COG5: variants seen among roughly 807,000 people sequenced by gnomAD.
COG5 encodes conserved oligomeric Golgi complex subunit 5.
A neutral mutation model predicts 110.4 loss-of-function variants in COG5; 86 were observed. That is an observed-to-expected ratio of 0.78 (90% CI 0.65 to 0.93). COG5 has a LOEUF of 0.93. Among genes scored for constraint, COG5 ranks in the 40% least tolerant of loss-of-function variants. COG5 has a pLI of 0.00. For synonymous variants in COG5, 360 were observed against 334.6 expected, an observed-to-expected ratio of 1.08 and a Z score of -0.83; for missense variants, 1,077 against 987.0, an observed-to-expected ratio of 1.09 and a Z score of -1.22.
At chr7:107,494,921 G>A (rs898615794) in intron 6 of COG5, among the ~76,000 whole-genome samples, 4 of 152,068 alleles carry the variant, frequency 2.6e-5, no homozygotes, top group Non-Finnish European at 4.4e-5. Context: ...AGCTGGGGAC[G>A]AGGGGTCAGT....
chr7:107,204,101 A>T (rs1411981582), intron 21 of COG5, among the ~76,000 whole-genome samples: 1 of 152,212 alleles, frequency 6.6e-6, no homozygotes, highest in Non-Finnish European at 1.5e-5. Context: ...TTATTTGATG[A>T]ACTATGAACA....
chr7:107,345,072 AAC>A (rs1372411313), intron 10 of COG5, among the ~76,000 whole-genome samples: 3 of 152,140 alleles, frequency 2.0e-5, no homozygotes, highest in Non-Finnish European at 4.4e-5. Flanking sequence ...TAATTGGCCT[AAC>A]TTCAATATTG....
At chr7:107,281,488 A>C in intron 13 of COG5, 89 bp from the exon 14 acceptor site, 1 of 927,296 alleles carries the variant, frequency 1.1e-6, no homozygotes, top group South Asian at 1.3e-5. Flanking sequence ...CCCAATAAGC[A>C]ATGTGGTTAT....
At position 107,555,201 on chromosome 7, in the gene COG5, G is replaced by A. The variant is rs970006576; in HGVS notation, c.235-859C>T. 3.9e-5 allele frequency among the ~76,000 whole-genome samples: 6 copies of A among 152,116 alleles called. No homozygotes were observed. The East Asian group carries it at 1.2e-3, about 29-fold the overall frequency. ...ATGTTTGATACTTTTATGAAAATTA[G>A]GGCACTGCAGATGGCCAGAACAAAA... On this transcript the variant is annotated intron_variant, in intron 2 of 21. Transcript: ENST00000297135.
intron 10 of COG5, among the ~76,000 whole-genome samples, chr7:107,347,788 T>C (rs986846349): frequency 5.3e-5 from 8 of 152,164 alleles, no homozygotes; most frequent in Non-Finnish European, 1.0e-4. Flanking sequence ...TCTTTTACTA[T>C]GCTGGGTCAG....
chr7:107,324,040 A>G (rs1809541316), intron 11 of COG5, among the ~76,000 whole-genome samples: 1 of 152,172 alleles, frequency 6.6e-6, no homozygotes, highest in Non-Finnish European at 1.5e-5. Flanking sequence ...CTTCATTTTT[A>G]ACAATAAAAA....
intron 14 of COG5, among the ~76,000 whole-genome samples, chr7:107,278,528 T>A (rs543069695): frequency 6.6e-6 from 1 of 152,266 alleles, no homozygotes; most frequent in South Asian, 2.1e-4. Flanking sequence ...GTGTTTGGTT[T>A]TCTGTTCCTG....
chr7:107,216,853 C>T (rs1799568885), intron 19 of COG5, among the ~76,000 whole-genome samples: 1 of 151,660 alleles, frequency 6.6e-6, no homozygotes, highest in Non-Finnish European at 1.5e-5. Context: ...AAATTTAAGC[C>T]CAAAGTTAGC....
chr7:107,227,361 G>A (rs1040261407), intron 19 of COG5, among the ~76,000 whole-genome samples: 6 of 152,020 alleles, frequency 3.9e-5, no homozygotes, highest in Non-Finnish European at 8.8e-5. Flanking sequence ...TTTACTGTGG[G>A]TCATGGTCAA....
intron 10 of COG5, among the ~76,000 whole-genome samples, chr7:107,335,796 G>T (rs78906922): frequency 0.019 from 2,837 of 152,162 alleles, 91 homozygotes; most frequent in African/African-American, 0.063. Flanking sequence ...TATGCAACTG[G>T]AAACCAAAAA....
chr7:107,471,470 T>G (rs998412544), intron 6 of COG5: 49 of 152,184 alleles, frequency 3.2e-4, no homozygotes, highest in African/African-American at 1.2e-3. Context: ...TGCAAGATGT[T>G]CTTGTAACAC....
At chr7:107,218,287 T>C (rs771827246) in intron 19 of COG5, among the ~76,000 whole-genome samples, 7 of 152,220 alleles carry the variant, frequency 4.6e-5, no homozygotes, top group Non-Finnish European at 1.0e-4. Context: ...CAAACCAATC[T>C]TCAGATTCAA....
chr7:107,563,482 C>T lies in COG5; in HGVS notation c.94+321G>A, dbSNP rs978191943. Reference sequence around the variant, plus strand: ...CTTCGTCAAGAACTGCGGCAGCAGCCGGTGGCTGCCAACGCGGTCCACAGG... The same window carrying T: ...CTTCGTCAAGAACTGCGGCAGCAGCTGGTGGCTGCCAACGCGGTCCACAGG... On this transcript the variant is annotated intron_variant, in intron 1 of 21. Transcript: ENST00000297135. The T allele has an allele frequency of 1.1e-4, 44 of 417,806 alleles. No homozygotes were observed. In the Admixed American group the frequency reaches 1.6e-3, roughly 15 times the overall value. The allele number at this position is 417,806 out of a possible 1,614,324, so 25.9% of individuals were successfully genotyped here.
At chr7:107,203,800 A>G (rs1287738625) in intron 21 of COG5, among the ~76,000 whole-genome samples, 170 bp from the exon 22 acceptor site, 4 of 152,212 alleles carry the variant, frequency 2.6e-5, no homozygotes, top group Admixed American at 1.3e-4. Context: ...TAGTGTTACT[A>G]TGGTTACTAC....
At chr7:107,211,001 A>G in intron 20 of COG5, 98 bp downstream of exon 20, 1 of 1,381,776 alleles carries the variant, frequency 7.2e-7, no homozygotes, top group Admixed American at 1.7e-5. Flanking sequence ...TAAACAAAGC[A>G]GCAGAGGGCC....
chr7:107,417,843 T>A (rs1792990097), intron 6 of COG5, among the ~76,000 whole-genome samples: 1 of 152,154 alleles, frequency 6.6e-6, no homozygotes. Context: ...TTTTGCTCCC[T>A]TTTTGTCTTA....
At chr7:107,364,011 T>G (rs777384783) in intron 8 of COG5, among the ~76,000 whole-genome samples, 77 of 151,900 alleles carry the variant, frequency 5.1e-4, no homozygotes, top group South Asian at 1.0e-3. Flanking sequence ...TCTCAAAGTA[T>G]GCACCTATAA....
chr7:107,518,305 A>G (rs1243905927), intron 6 of COG5, among the ~76,000 whole-genome samples: 1 of 152,208 alleles, frequency 6.6e-6, no homozygotes, highest in Non-Finnish European at 1.5e-5. Context: ...TTCACACATA[A>G]CAATTTTAAC....
chr7:107,245,880 G>A (rs1802015453), intron 17 of COG5, among the ~76,000 whole-genome samples: 1 of 151,986 alleles, frequency 6.6e-6, no homozygotes, highest in Admixed American at 6.6e-5. Flanking sequence ...AATTCAGATG[G>A]GACCAAAAAA....
Sources: gnomAD v4.1 joint callset for allele counts (sites outside exome capture counted in the v4.1 genomes callset) on GRCh38, gnomAD v4.1.1 for gene constraint, MANE v1.5 for transcripts, NCBI Gene and HGNC (gene_info 2026-07-23, HGNC 2026-07-21) for gene names.